RHCE: variants seen among roughly 807,000 people sequenced by gnomAD.
RHCE encodes the protein blood group Rh(CE) polypeptide.
A neutral mutation model predicts 43.8 loss-of-function variants in RHCE; 22 were observed. The observed-to-expected ratio is 0.50, with a 90% CI of 0.36 to 0.72. RHCE has a LOEUF of 0.72. Ranked by LOEUF, RHCE falls within the 30% of genes least tolerant of loss-of-function variation. The probability of loss-of-function intolerance (pLI) is 0.00; values close to 1 mark genes in which losing one functional copy is unlikely to be tolerated. For missense variants in RHCE, 385 were observed against 525.4 expected (o/e 0.73, Z 2.61); for synonymous variants, 156 against 210.7 (o/e 0.74, Z 2.25).
At chr1:25,380,377 T>C (rs1645956320) in intron 7 of RHCE, among the ~76,000 whole-genome samples, 3 of 147,984 alleles carry the variant, frequency 2.0e-5, no homozygotes, top group African/African-American at 2.5e-5. Flanking sequence ...TCTGCCCATG[T>C]TGCACTTCGC....
chr1:25,429,320 T>C (rs1435575594), intron 1 of RHCE, among the ~76,000 whole-genome samples: 4 of 147,210 alleles, frequency 2.7e-5, no homozygotes, highest in African/African-American at 1.0e-4. Flanking sequence ...GCCCAGCTAA[T>C]TTTTTGTATT....
intron 2 of RHCE, chr1:25,428,875 T>C (rs1033515337): frequency 2.0e-5 from 3 of 152,310 alleles, no homozygotes; most frequent in African/African-American, 7.2e-5. Flanking sequence ...ACAGAGATAC[T>C]GTGTTGGGGC....
At chr1:25,380,899 CTTTTT>C (rs898980956) in intron 7 of RHCE, among the ~76,000 whole-genome samples, 2 of 128,934 alleles carry the variant, frequency 1.6e-5, no homozygotes, top group East Asian at 4.3e-4. Flanking sequence ...TTCTTTCTTC[CTTTTT>C]TTTTTTTTTT....
At chr1:25,382,992 C>G (rs1327759381) in intron 7 of RHCE, among the ~76,000 whole-genome samples, 1 of 152,032 alleles carries the variant, frequency 6.6e-6, no homozygotes, top group African/African-American at 2.4e-5. Flanking sequence ...ACAATGAAAA[C>G]AAAATGTTGC....
upstream of RHCE, chr1:25,420,993 C>T: frequency 3.1e-6 from 2 of 641,260 alleles, no homozygotes; most frequent in Middle Eastern, 8.6e-4. Context: ...GTATGTTTTC[C>T]AATATTGTCA....
intron 1 of RHCE, among the ~76,000 whole-genome samples, chr1:25,420,222 A>G (rs546997279): frequency 2.2e-4 from 33 of 152,262 alleles, no homozygotes; most frequent in African/African-American, 5.8e-4. Flanking sequence ...CAAAAAGGAA[A>G]CAAAACCCGA....
chr1:25,394,279 G>A (rs534149553), intron 3 of RHCE, among the ~76,000 whole-genome samples: 4 of 151,964 alleles, frequency 2.6e-5, no homozygotes, highest in South Asian at 2.1e-4. Flanking sequence ...ATGAGCCACC[G>A]CACCCAGCCT....
At chr1:25,411,697 T>G (rs563311176) in intron 1 of RHCE, among the ~76,000 whole-genome samples, 16 of 152,080 alleles carry the variant, frequency 1.1e-4, no homozygotes, top group African/African-American at 3.6e-4. Flanking sequence ...GGAATGGGGG[T>G]GTGTGACCAG....
At chr1:25,422,958 C>A (rs376778348), upstream of RHCE, among the ~76,000 whole-genome samples, 2 of 152,126 alleles carry the variant, frequency 1.3e-5, no homozygotes, top group Non-Finnish European at 1.5e-5. Flanking sequence ...GGAGCTCAGG[C>A]GGTAGTGCTC....
At chr1:25,383,605 G>A (rs1345884354) in intron 7 of RHCE, among the ~76,000 whole-genome samples, 5 of 152,142 alleles carry the variant, frequency 3.3e-5, no homozygotes, top group Admixed American at 3.3e-4. Flanking sequence ...CACTGGTGAA[G>A]CCCACGCCTT....
intron 1 of RHCE, among the ~76,000 whole-genome samples, chr1:25,409,991 G>A (rs1647024720): frequency 6.6e-6 from 1 of 152,028 alleles, no homozygotes; most frequent in Non-Finnish European, 1.5e-5. Flanking sequence ...CTGCCTCCTG[G>A]GTTCAAGTGA....
At chr1:25,379,948 G>T (rs1385804344) in intron 7 of RHCE, among the ~76,000 whole-genome samples, 1 of 152,034 alleles carries the variant, frequency 6.6e-6, no homozygotes, top group Non-Finnish European at 1.5e-5. Context: ...AAATCACTGG[G>T]ATTACAGGCA....
At position 25,385,925 on chromosome 1, in the gene RHCE, C is replaced by G. The variant is rs1646142730; in HGVS notation, c.940-81G>C. 4 of 1,608,324 alleles carry G rather than the reference C, an allele frequency of 2.5e-6. No homozygotes were observed. In the Admixed American group the frequency reaches 6.7e-5, roughly 27 times the overall value. ...CACCCCTTTCACACACCCTTGGTATCCGGCGCCACCAAATGGGGATGGGCA... is the reference window on the plus strand; with the variant it reads ...CACCCCTTTCACACACCCTTGGTATGCGGCGCCACCAAATGGGGATGGGCA... On this transcript the variant is annotated intron_variant, in intron 6 of 9. Coordinates refer to ENST00000294413, the MANE Select transcript of RHCE (RefSeq NM_020485.8).
chr1:25,378,572 T>G (rs1198162141), intron 7 of RHCE, among the ~76,000 whole-genome samples: 2 of 152,240 alleles, frequency 1.3e-5, no homozygotes, highest in African/African-American at 4.8e-5. Flanking sequence ...CTCGTTTTCT[T>G]GCAAGTCAGC....
At chr1:25,429,762 T>C (rs548308298) in intron 1 of RHCE, among the ~76,000 whole-genome samples, 5 of 152,238 alleles carry the variant, frequency 3.3e-5, no homozygotes, top group African/African-American at 1.2e-4. Context: ...ATGAGACTCA[T>C]TGGTGTTTTT....
upstream of RHCE, among the ~76,000 whole-genome samples, chr1:25,423,029 G>A (rs921574488): frequency 1.3e-4 from 20 of 152,054 alleles, no homozygotes; most frequent in Non-Finnish European, 2.5e-4. Flanking sequence ...TGGGGGTTGG[G>A]GACCCCCAGC....
At chr1:25,377,615 G>A (rs555765211) in intron 7 of RHCE, among the ~76,000 whole-genome samples, 26 of 152,296 alleles carry the variant, frequency 1.7e-4, no homozygotes, top group African/African-American at 6.0e-4. Context: ...TAAAAGGTGG[G>A]CTGGGCATGG....
intron 1 of RHCE, among the ~76,000 whole-genome samples, chr1:25,412,712 T>A (rs1284102463): frequency 8.0e-6 from 1 of 124,818 alleles, no homozygotes; most frequent in Non-Finnish European, 1.6e-5. Flanking sequence ...GAGACCCTTT[T>A]TTTAAAAAAA....
intron 8 of RHCE, among the ~76,000 whole-genome samples, chr1:25,372,101 C>T (rs574171849): frequency 2.6e-5 from 4 of 151,718 alleles, no homozygotes; most frequent in South Asian, 2.1e-4. Flanking sequence ...AAAAAAAAAT[C>T]AGAACCATCA....
Sources: gnomAD v4.1 joint callset for allele counts (sites outside exome capture counted in the v4.1 genomes callset) on GRCh38, gnomAD v4.1.1 for gene constraint, MANE v1.5 for transcripts, NCBI Gene and HGNC (gene_info 2026-07-23, HGNC 2026-07-21) for gene names.